TEAD4: variants seen among roughly 807,000 people sequenced by gnomAD.
TEAD4 encodes TEA domain transcription factor 4, also known as transcriptional enhancer factor TEF-3.
In TEAD4, 36 loss-of-function variants were observed where a neutral mutation model predicts 52.4. That is an observed-to-expected ratio of 0.69 (90% CI 0.53 to 0.91). TEAD4 has a LOEUF of 0.91. TEAD4 is among the 40% of genes least tolerant of loss of function. The pLI, the probability that TEAD4 is intolerant of heterozygous loss-of-function variation, is 0.00. For synonymous variants in TEAD4, 220 were observed against 231.0 expected, an observed-to-expected ratio of 0.95 and a Z score of 0.43; for missense variants, 508 against 583.9, an observed-to-expected ratio of 0.87 and a Z score of 1.34.
At chr12:3,000,331 A>G (rs930766016) in intron 3 of TEAD4, among the ~76,000 whole-genome samples, 1 of 152,216 alleles carries the variant, frequency 6.6e-6, no homozygotes, top group African/African-American at 2.4e-5. Context: ...TATTCCTTAC[A>G]GTTACAGAGG....
intron 10 of TEAD4, among the ~76,000 whole-genome samples, chr12:3,030,707 A>T (rs1467448980): frequency 6.6e-6 from 1 of 152,068 alleles, no homozygotes. Flanking sequence ...TCAGTCTCCC[A>T]CCTTTAGCCA....
chr12:2,968,179 C>T (rs1001360916), intron 2 of TEAD4, among the ~76,000 whole-genome samples: 5 of 145,702 alleles, frequency 3.4e-5, no homozygotes, highest in African/African-American at 2.5e-5. Flanking sequence ...CTCCACCTTC[C>T]GGGTTCAAGC....
At chr12:2,985,370 G>A (rs1191111067) in intron 2 of TEAD4, among the ~76,000 whole-genome samples, 1 of 151,372 alleles carries the variant, frequency 6.6e-6, no homozygotes, top group East Asian at 2.0e-4. Context: ...GGGTGACAGA[G>A]CAAGACTCTG....
intron 3 of TEAD4, among the ~76,000 whole-genome samples, chr12:3,002,407 T>G (rs1401871995): frequency 6.6e-6 from 1 of 152,246 alleles, no homozygotes. Context: ...ATTTTATGTT[T>G]GAGTTTTTGA....
At chr12:2,984,666 TC>T (rs1228929450) in intron 2 of TEAD4, among the ~76,000 whole-genome samples, 1 of 152,176 alleles carries the variant, frequency 6.6e-6, no homozygotes, top group Non-Finnish European at 1.5e-5. Context: ...ACCTATTGCT[TC>T]TGGGCTATAA....
At chr12:2,976,433 C>T (rs1364209433) in intron 2 of TEAD4, among the ~76,000 whole-genome samples, 1 of 152,144 alleles carries the variant, frequency 6.6e-6, no homozygotes, top group Non-Finnish European at 1.5e-5. Context: ...AGAGGCACCA[C>T]GAACCTGTGG....
chr12:3,018,519 T>A, intron 6 of TEAD4, 26 bp from the exon 7 acceptor site: 1 of 1,614,052 alleles, frequency 6.2e-7, no homozygotes, highest in Non-Finnish European at 8.5e-7. Flanking sequence ...GGGGCCGTGC[T>A]GATTCCATGC....
intron 3 of TEAD4, among the ~76,000 whole-genome samples, chr12:3,004,200 G>C (rs1388555448): frequency 6.6e-6 from 1 of 152,234 alleles, no homozygotes; most frequent in African/African-American, 2.4e-5. Context: ...GAATCGGGGG[G>C]ATTGATCCAA....
chr12:3,006,596 A>C (rs1425667161), intron 3 of TEAD4, among the ~76,000 whole-genome samples: 1 of 152,154 alleles, frequency 6.6e-6, no homozygotes, highest in Non-Finnish European at 1.5e-5. Flanking sequence ...AGGCAGGAGA[A>C]TCACTTGAAC....
rs71057876 is a variant in TEAD4 at position 2,990,461 on chromosome 12, C to CTTTTTTTTTTTTTTTTTTTT, written c.-29-4269_-29-4250dup. Reference sequence around the variant, plus strand: ...TAGAATTTAGGCTAAGACAGATAATCTTTTTTTTTTTTTTTTTTTTTTTTT... The same window carrying CTTTTTTTTTTTTTTTTTTTT: ...TAGAATTTAGGCTAAGACAGATAATCTTTTTTTTTTTTTTTTTTTTTTTTTTTTTTTTTTTTTTTTTTTTT... On this transcript the variant is annotated intron_variant, in intron 2 of 12. Coordinates refer to ENST00000359864, the MANE Select transcript of TEAD4 (RefSeq NM_003213.4). 1.5e-4 allele frequency among the ~76,000 whole-genome samples: 10 copies of CTTTTTTTTTTTTTTTTTTTT among 67,038 alleles called. 1 individual carries two copies. Among genetic ancestry groups the CTTTTTTTTTTTTTTTTTTTT allele is most frequent in the African/African-American group, 5.9e-4 (10 of 17,018 alleles). The allele number at this position is 67,038 out of a possible 152,430, so 44.0% of individuals were successfully genotyped here.
intron 2 of TEAD4, among the ~76,000 whole-genome samples, chr12:2,964,228 T>A (rs1349527717): frequency 6.6e-6 from 1 of 152,178 alleles, no homozygotes; most frequent in Admixed American, 6.5e-5. Context: ...CGTGCCACGC[T>A]CGCCCCTGCC....
At chr12:2,985,630 C>G (rs896517250) in intron 2 of TEAD4, among the ~76,000 whole-genome samples, 7 of 149,934 alleles carry the variant, frequency 4.7e-5, no homozygotes, top group African/African-American at 1.7e-4. Context: ...CTCAGCCTCC[C>G]TAGTAGCTGG....
intron 2 of TEAD4, among the ~76,000 whole-genome samples, chr12:2,976,086 A>G (rs2098229451): frequency 6.6e-6 from 1 of 150,822 alleles, no homozygotes; most frequent in Non-Finnish European, 1.5e-5. Flanking sequence ...GCTCACTGCA[A>G]CTTCTGCCTC....
Position 3,003,054 on chromosome 12 carries a change from G to A in TEAD4, c.227-7950G>A, listed in dbSNP as rs74949579. On this transcript the variant is annotated intron_variant, in intron 3 of 12. Transcript: ENST00000359864. ...CCCCAACACACACACCCTGGCCCCCGCTTCCAGGCCATTGGGGATTAGGGT... is the reference window on the plus strand; with the variant it reads ...CCCCAACACACACACCCTGGCCCCCACTTCCAGGCCATTGGGGATTAGGGT... Among the ~76,000 whole-genome samples, 8 of 152,204 alleles carry A rather than the reference G, an allele frequency of 5.3e-5. No homozygotes were observed. In the East Asian group the frequency reaches 1.5e-3, roughly 29 times the overall value.
chr12:3,018,043 G>A (rs2098265850), intron 6 of TEAD4, among the ~76,000 whole-genome samples: 1 of 152,112 alleles, frequency 6.6e-6, no homozygotes, highest in African/African-American at 2.4e-5. Context: ...TCTCCTCACA[G>A]GGGCTTTCTT....
At chr12:2,976,452 C>T (rs567502376) in intron 2 of TEAD4, among the ~76,000 whole-genome samples, 2 of 152,132 alleles carry the variant, frequency 1.3e-5, no homozygotes, top group East Asian at 3.9e-4. Context: ...GGCAAAGCTG[C>T]GCTTGGAGGC....
chr12:3,036,183 T>C (rs1170811225), intron 10 of TEAD4, among the ~76,000 whole-genome samples: 4 of 152,144 alleles, frequency 2.6e-5, no homozygotes, highest in Non-Finnish European at 5.9e-5. Flanking sequence ...CACTGAACCA[T>C]ATGCCATTCT....
chr12:3,035,567 A>G (rs183239977), intron 10 of TEAD4, among the ~76,000 whole-genome samples: 273 of 152,316 alleles, frequency 1.8e-3, no homozygotes, highest in African/African-American at 6.2e-3. Flanking sequence ...CACACCTGCA[A>G]TCCCAACACT....
intron 10 of TEAD4, among the ~76,000 whole-genome samples, chr12:3,035,352 G>A (rs79188427): frequency 0.017 from 2,610 of 152,288 alleles, 74 homozygotes; most frequent in African/African-American, 0.059. Context: ...ACCATGTCCA[G>A]TGCATCCTTC....
Sources: allele counts gnomAD v4.1 joint callset (sites outside exome capture counted in the v4.1 genomes callset), GRCh38; gene constraint gnomAD v4.1.1; transcripts MANE v1.5; gene names NCBI Gene and HGNC (gene_info 2026-07-23, HGNC 2026-07-21).